PFKP: variants seen among roughly 807,000 people sequenced by gnomAD.
The protein encoded by PFKP is ATP-dependent 6-phosphofructokinase, platelet type.
A neutral mutation model predicts 94.3 loss-of-function variants in PFKP; 101 were observed. That is an observed-to-expected ratio of 1.07 (90% CI 0.91 to 1.26). PFKP has a LOEUF of 1.26. PFKP is among the 50% of genes most tolerant of loss of function. The probability of loss-of-function intolerance (pLI) is 0.00; values close to 1 mark genes in which losing one functional copy is unlikely to be tolerated. For synonymous variants in PFKP, 573 were observed against 432.6 expected (o/e 1.32, Z -4.03); for missense variants, 1,145 against 1,103.3 (o/e 1.04, Z -0.53).
intron 16 of PFKP, among the ~76,000 whole-genome samples, chr10:3,128,089 G>C (rs528438606): frequency 2.1e-5 from 3 of 142,372 alleles, no homozygotes; most frequent in Admixed American, 2.1e-4. Context: ...AGGATCAGCC[G>C]TTGACCAGGA....
At chr10:3,092,095 G>C (rs556114189) in intron 2 of PFKP, among the ~76,000 whole-genome samples, 285 of 152,160 alleles carry the variant, frequency 1.9e-3, no homozygotes, top group Non-Finnish European at 2.7e-3. Context: ...CCTGACCCCC[G>C]CCACCGGCCC....
chr10:3,121,808 T>C (rs35763309), intron 16 of PFKP, among the ~76,000 whole-genome samples: 27,642 of 71,768 alleles, frequency 0.39, 3,415 homozygotes, highest in South Asian at 0.47. Context: ...TTTTTCTTTT[T>C]TTTTTTTTTT....
chr10:3,089,201 C>T (rs1032285221), intron 2 of PFKP, among the ~76,000 whole-genome samples: 5 of 151,996 alleles, frequency 3.3e-5, no homozygotes, highest in Admixed American at 6.6e-5. Context: ...CCCAAAGTGC[C>T]GGGATTACAA....
chr10:3,069,234 T>C lies in PFKP; in HGVS notation c.112+1527T>C, dbSNP rs555020342. The C allele has an allele frequency of 8.0e-5, 114 of 1,419,616 alleles. No homozygotes were observed. In the African/African-American group the frequency reaches 1.6e-3, roughly 20 times the overall value. The allele number at this position is 1,419,616 out of a possible 1,614,324, so 87.9% of individuals were successfully genotyped here. On this transcript the variant is annotated intron_variant, in intron 1 of 21. Coordinates refer to ENST00000381125, the MANE Select transcript of PFKP (RefSeq NM_002627.5). ...CCCGGGAAGTGCTCTGGCGTTAGCATTCCAGTAAAAGGACCCCAGCATCAA... is the reference window on the plus strand; with the variant it reads ...CCCGGGAAGTGCTCTGGCGTTAGCACTCCAGTAAAAGGACCCCAGCATCAA...
intron 1 of PFKP, among the ~76,000 whole-genome samples, chr10:3,079,470 G>A (rs960297090): frequency 8.6e-5 from 13 of 151,986 alleles, no homozygotes; most frequent in Non-Finnish European, 1.5e-4. Flanking sequence ...TCCTGACCTC[G>A]TGATCTGCCC....
intron 2 of PFKP, among the ~76,000 whole-genome samples, chr10:3,097,140 C>T (rs1834556617): frequency 6.7e-6 from 1 of 150,354 alleles, no homozygotes; most frequent in African/African-American, 2.5e-5. Flanking sequence ...AAACTGCAAC[C>T]CCAAGGCTAG....
intron 1 of PFKP, among the ~76,000 whole-genome samples, chr10:3,069,773 T>C (rs925910887): frequency 1.3e-5 from 2 of 152,210 alleles, no homozygotes; most frequent in African/African-American, 4.8e-5. Context: ...AAAATATTTA[T>C]GGGTCATTCC....
chr10:3,091,295 A>G (rs1834021285), intron 2 of PFKP, among the ~76,000 whole-genome samples: 1 of 152,144 alleles, frequency 6.6e-6, no homozygotes, highest in African/African-American at 2.4e-5. Context: ...AGTATATCAG[A>G]TGCTTTGACC....
chr10:3,076,970 G>T (rs1832645393), intron 1 of PFKP, among the ~76,000 whole-genome samples: 1 of 152,142 alleles, frequency 6.6e-6, no homozygotes, highest in African/African-American at 2.4e-5. Flanking sequence ...ATTATCAAAG[G>T]AAAGACCCCT....
intron 1 of PFKP, among the ~76,000 whole-genome samples, chr10:3,077,742 G>A (rs770928144): frequency 3.7e-4 from 56 of 152,276 alleles, no homozygotes; most frequent in Admixed American, 1.0e-3. Flanking sequence ...ACTCAAGGAA[G>A]AAACCGTCCT....
At chr10:3,072,400 T>C (rs1228686874) in intron 1 of PFKP, among the ~76,000 whole-genome samples, 2 of 152,214 alleles carry the variant, frequency 1.3e-5, no homozygotes, top group African/African-American at 2.4e-5. Context: ...AAGGGGAAAC[T>C]GAGAACAGCG....
chr10:3,117,837 G>A (rs78796619), intron 14 of PFKP, among the ~76,000 whole-genome samples: 3,556 of 152,278 alleles, frequency 0.023, 133 homozygotes, highest in African/African-American at 0.082. Context: ...TCGTCCTGAA[G>A]AGGCTTAAGA....
rs548921016 is a variant in PFKP, at chr10:3,071,578, C to G, written c.112+3871C>G. Among the ~76,000 whole-genome samples the G allele has an allele frequency of 4.9e-4, 74 of 152,072 alleles. 2 individuals carry two copies. In the South Asian group the frequency reaches 0.015, roughly 31 times the overall value. ...ATGGCGGACTTACCATGACTAAGTC[C>G]CCACTGCCACAGAACACTGTGCCAC... On this transcript the variant is annotated intron_variant, in intron 1 of 21. Coordinates refer to ENST00000381125, the MANE Select transcript of PFKP (RefSeq NM_002627.5).
At chr10:3,102,005 A>G (rs1264133015) in intron 4 of PFKP, among the ~76,000 whole-genome samples, 1 of 150,590 alleles carries the variant, frequency 6.6e-6, no homozygotes, top group Non-Finnish European at 1.5e-5. Flanking sequence ...TAATCCCAGC[A>G]CTTTGGGAGG....
chr10:3,125,704 A>T (rs1487896221), intron 16 of PFKP, among the ~76,000 whole-genome samples: 2 of 152,160 alleles, frequency 1.3e-5, no homozygotes, highest in Admixed American at 6.5e-5. Flanking sequence ...AGAGAGCCGA[A>T]ATCACGCCCT....
At position 3,067,624 on chromosome 10, in the gene PFKP, A is replaced by G; in HGVS notation, c.29A>G (p.Lys10Arg). The G allele has an allele frequency of 1.3e-6, 2 of 1,532,896 alleles. No individual in the cohort carries two copies. Among genetic ancestry groups the G allele is most frequent in the Non-Finnish European group, 1.8e-6 (2 of 1,139,434 alleles). 95.0% of individuals were successfully genotyped at this position (1,532,896 alleles called of 1,614,324 possible). ...GACGCGGACGACTCCCGGGCCCCCA[A>G]GGGCTCCTTGCGGAAGTTCCTGGAG... MDADDSRAPKGSLRKFLEHL... is the reference protein window; with the variant it reads MDADDSRAPRGSLRKFLEHL... The change falls in exon 1 of 22, where the codon AAG (lysine) becomes AGG (arginine). Residue 10 changes from lysine (K) to arginine (R), a missense_variant. Lys to Arg is a conservative substitution (Grantham distance 26). Coordinates refer to ENST00000381125, the MANE Select transcript of PFKP (RefSeq NM_002627.5).
chr10:3,092,555 G>A (rs1335784817), intron 2 of PFKP, among the ~76,000 whole-genome samples: 2 of 152,108 alleles, frequency 1.3e-5, no homozygotes, highest in African/African-American at 4.8e-5. Flanking sequence ...ATGGGTTGAA[G>A]TTAAAAATAC....
intron 4 of PFKP, 66 bp from the exon 5 acceptor site, chr10:3,103,713 T>G: frequency 6.4e-7 from 1 of 1,564,744 alleles, no homozygotes; most frequent in African/African-American, 1.3e-5. Flanking sequence ...GCCTCACCCC[T>G]AGTGGGGCAC....
chr10:3,118,250 G>C (rs1462703639), intron 14 of PFKP, among the ~76,000 whole-genome samples: 1 of 152,098 alleles, frequency 6.6e-6, no homozygotes, highest in Middle Eastern at 3.2e-3. Context: ...AGGTGGATCA[G>C]GAGGTCAAGA....
Sources: gnomAD v4.1 joint callset for allele counts (sites outside exome capture counted in the v4.1 genomes callset) on GRCh38, gnomAD v4.1.1 for gene constraint, MANE v1.5 for transcripts, NCBI Gene and HGNC (gene_info 2026-07-23, HGNC 2026-07-21) for gene names.